CLINT1: variants seen among roughly 807,000 people sequenced by gnomAD.
CLINT1 encodes clathrin interactor 1, also known as clathrin interacting protein localized in the trans-Golgi region.
In CLINT1, 15 loss-of-function variants were observed where a neutral mutation model predicts 70.4. The observed-to-expected ratio is 0.21, with a 90% CI of 0.14 to 0.33. The LOEUF is 0.33. Among genes scored for constraint, CLINT1 ranks in the 10% least tolerant of loss-of-function variants. The probability of loss-of-function intolerance (pLI) is 1.00; values close to 1 mark genes in which losing one functional copy is unlikely to be tolerated. For synonymous variants in CLINT1, 227 were observed against 254.7 expected, an observed-to-expected ratio of 0.89 and a Z score of 1.04; for missense variants, 615 against 778.1, an observed-to-expected ratio of 0.79 and a Z score of 2.49.
chr5:157,796,494 C>A (rs926109450), intron 8 of CLINT1, among the ~76,000 whole-genome samples: 1 of 152,172 alleles, frequency 6.6e-6, no homozygotes, highest in African/African-American at 2.4e-5. Flanking sequence ...AAGTCTACAG[C>A]AGTTCAATGA....
intron 1 of CLINT1, among the ~76,000 whole-genome samples, chr5:157,822,111 G>A (rs999310115): frequency 2.0e-5 from 3 of 152,042 alleles, no homozygotes; most frequent in Admixed American, 6.5e-5. Flanking sequence ...TAATTCCCAC[G>A]TGTTGTGGGA....
rs1472258304 is a variant in CLINT1, at chr5:157,816,496, G to A, written c.243+238C>T. Among the ~76,000 whole-genome samples the A allele has an allele frequency of 5.9e-5, 9 of 152,080 alleles. No individual in the cohort carries two copies. In the East Asian group the frequency reaches 1.7e-3, roughly 29 times the overall value. On this transcript the variant is annotated intron_variant, in intron 3 of 11. Coordinates refer to ENST00000411809, the MANE Select transcript of CLINT1 (RefSeq NM_014666.4). ...TTTGATATGCACAAACATTTTAGTA[G>A]GAAAAATTTTAAGAAATAATCAACA...
At chr5:157,831,900 C>T (rs1278664442) in intron 1 of CLINT1, among the ~76,000 whole-genome samples, 3 of 151,758 alleles carry the variant, frequency 2.0e-5, no homozygotes, top group African/African-American at 7.3e-5. Context: ...CCACGTTGGC[C>T]GGGATGGTCT....
intron 1 of CLINT1, among the ~76,000 whole-genome samples, chr5:157,832,240 C>A (rs1413768291): frequency 1.3e-5 from 2 of 152,206 alleles, no homozygotes; most frequent in African/African-American, 4.8e-5. Flanking sequence ...CCCTCAGCCT[C>A]CCAAAGTGCT....
At chr5:157,856,344 G>A (rs1269534299) in intron 1 of CLINT1, among the ~76,000 whole-genome samples, 2 of 152,238 alleles carry the variant, frequency 1.3e-5, no homozygotes, top group Non-Finnish European at 2.9e-5. Context: ...AAAGTCTGGA[G>A]ATTCATGTGA....
intron 6 of CLINT1, among the ~76,000 whole-genome samples, chr5:157,808,386 G>A (rs1033735208): frequency 6.6e-6 from 1 of 151,988 alleles, no homozygotes; most frequent in African/African-American, 2.4e-5. Context: ...AAAAAGAGAT[G>A]GCATTTAGTT....
chr5:157,853,353 G>GAAA (rs35358618), intron 1 of CLINT1, among the ~76,000 whole-genome samples: 2 of 129,652 alleles, frequency 1.5e-5, no homozygotes, highest in African/African-American at 2.7e-5. Flanking sequence ...AAGAAAGAAA[G>GAAA]AAAAAAAAAA....
chr5:157,792,033 G>A (rs1430005503), intron 9 of CLINT1, 38 bp from the exon 10 acceptor site: 2 of 1,550,256 alleles, frequency 1.3e-6, no homozygotes, highest in African/African-American at 1.4e-5. Context: ...GAAACTTCAT[G>A]GAATGCACAG....
chr5:157,822,799 T>A (rs941918450), intron 1 of CLINT1, among the ~76,000 whole-genome samples: 1 of 152,226 alleles, frequency 6.6e-6, no homozygotes, highest in Non-Finnish European at 1.5e-5. Context: ...ACATTAAGAA[T>A]CATCAGTAAA....
At chr5:157,856,236 C>A (rs1249809348) in intron 1 of CLINT1, among the ~76,000 whole-genome samples, 1 of 152,196 alleles carries the variant, frequency 6.6e-6, no homozygotes, top group Non-Finnish European at 1.5e-5. Context: ...CTAGTTCCAA[C>A]TATTTTTCCT....
chr5:157,792,713 A>G (rs1761954963), intron 9 of CLINT1, among the ~76,000 whole-genome samples: 1 of 152,232 alleles, frequency 6.6e-6, no homozygotes, highest in Non-Finnish European at 1.5e-5. Flanking sequence ...AGAAACAAGC[A>G]AAACCCTATC....
intron 1 of CLINT1, among the ~76,000 whole-genome samples, chr5:157,845,909 G>A (rs200437838): frequency 6.6e-6 from 1 of 152,054 alleles, no homozygotes; most frequent in Admixed American, 6.6e-5. Flanking sequence ...TTCTGTTATA[G>A]CAGTCTGTGA....
intron 11 of CLINT1, among the ~76,000 whole-genome samples, chr5:157,788,929 T>C (rs1444985383): frequency 7.2e-6 from 1 of 139,082 alleles, no homozygotes; most frequent in African/African-American, 2.7e-5. Context: ...ATTGCACCAC[T>C]GCACTCTAGC....
chr5:157,815,122 C>G (rs568674363), intron 3 of CLINT1, among the ~76,000 whole-genome samples: 1 of 131,732 alleles, frequency 7.6e-6, no homozygotes, highest in Non-Finnish European at 1.6e-5. Context: ...TTCACACATA[C>G]ACACACACAC....
At chr5:157,846,528 A>G (rs533378785) in intron 1 of CLINT1, among the ~76,000 whole-genome samples, 7 of 152,368 alleles carry the variant, frequency 4.6e-5, no homozygotes, top group Non-Finnish European at 8.8e-5. Context: ...CCGCCTCCAT[A>G]AGAGAAAAAT....
chr5:157,846,010 T>C (rs1161138832), intron 1 of CLINT1, among the ~76,000 whole-genome samples: 1 of 152,120 alleles, frequency 6.6e-6, no homozygotes, highest in African/African-American at 2.4e-5. Flanking sequence ...TCCTGACTGC[T>C]CCACTGACTG....
In CLINT1 at chr5:157,859,110, C is replaced by T. The variant is rs555444822; in HGVS notation, c.-140G>A. On this transcript the variant is annotated 5_prime_UTR_variant, in exon 1 of 12. Coordinates refer to ENST00000411809, the MANE Select transcript of CLINT1 (RefSeq NM_014666.4). Reference sequence around the variant, plus strand: ...TCCCCCAGTCAGCTCCTTCCTTTGCCACAGCAGCGGCGCCGCCGGTGACAC... The same window carrying T: ...TCCCCCAGTCAGCTCCTTCCTTTGCTACAGCAGCGGCGCCGCCGGTGACAC... 1.8e-5 allele frequency: 15 copies of T among 852,782 alleles called. No individual in the cohort carries two copies. In the Admixed American group the frequency reaches 3.4e-4, roughly 19 times the overall value. 52.8% of individuals were successfully genotyped at this position (852,782 alleles called of 1,614,324 possible). A position where few individuals can be genotyped will look rare whatever the true frequency, so the allele number is the denominator to read the frequency against.
intron 1 of CLINT1, among the ~76,000 whole-genome samples, chr5:157,821,010 T>A (rs1762865729): frequency 6.6e-6 from 1 of 152,140 alleles, no homozygotes; most frequent in Non-Finnish European, 1.5e-5. Flanking sequence ...CTTTCACCAA[T>A]CCTAAATTGA....
At chr5:157,790,655 C>G (rs1761873660) in intron 10 of CLINT1, 1 of 455,284 alleles carries the variant, frequency 2.2e-6, no homozygotes, top group South Asian at 1.6e-5. Context: ...CGAGAATCTA[C>G]ACATTAAAAT....
Sources: gnomAD v4.1 joint callset for allele counts (sites outside exome capture counted in the v4.1 genomes callset) on GRCh38, gnomAD v4.1.1 for gene constraint, MANE v1.5 for transcripts, NCBI Gene and HGNC (gene_info 2026-07-23, HGNC 2026-07-21) for gene names.